Variants in CPNE8 observed in about 807,000 individuals in gnomAD.
CPNE8 encodes the protein copine-8.
CPNE8 carries 45 observed loss-of-function variants against 81.5 expected under a neutral mutation model. The ratio of observed to expected loss-of-function variants is 0.55; its 90% CI spans 0.44 to 0.71. The LOEUF is 0.71. CPNE8 is among the 30% of genes least tolerant of loss of function. The pLI, the probability that CPNE8 is intolerant of heterozygous loss-of-function variation, is 0.00. For missense variants in CPNE8, 594 were observed against 672.1 expected (o/e 0.88, Z 1.28); for synonymous variants, 252 against 226.3 (o/e 1.11, Z -1.02).
chr12:38,814,420 A>T lies in CPNE8; in HGVS notation c.407+14959T>A, dbSNP rs144312452. On this transcript the variant is annotated intron_variant, in intron 6 of 19. Transcript: ENST00000331366. ...CAACCTCCACCTCCTGGGTTCAAGC[A>T]ATCTTCCTGTCTCAGCCTCCTGAGT... 3.0e-4 allele frequency among the ~76,000 whole-genome samples: 44 copies of T among 147,900 alleles called. No individual in the cohort carries two copies. In the East Asian group the frequency reaches 7.9e-3, roughly 26 times the overall value.
intron 16 of CPNE8, among the ~76,000 whole-genome samples, chr12:38,678,087 C>T (rs1939332224): frequency 6.6e-6 from 1 of 151,836 alleles, no homozygotes; most frequent in South Asian, 2.1e-4. Flanking sequence ...GTAATGGTTG[C>T]AACATTACAA....
At chr12:38,744,447 C>T (rs1344365077) in intron 10 of CPNE8, among the ~76,000 whole-genome samples, 1 of 152,206 alleles carries the variant, frequency 6.6e-6, no homozygotes, top group East Asian at 1.9e-4. Context: ...GACAAGTCAG[C>T]AACGCCTTAT....
At chr12:38,768,999 C>T (rs1035667799) in intron 7 of CPNE8, among the ~76,000 whole-genome samples, 2 of 152,188 alleles carry the variant, frequency 1.3e-5, no homozygotes, top group African/African-American at 4.8e-5. Flanking sequence ...TAAGTATACA[C>T]CTAAACTTTT....
chr12:38,668,902 A>G (rs544303875), intron 19 of CPNE8, among the ~76,000 whole-genome samples: 3 of 151,998 alleles, frequency 2.0e-5, no homozygotes, highest in Admixed American at 6.6e-5. Flanking sequence ...ATACAAAAAA[A>G]AATTAGCTGG....
At chr12:38,862,987 GA>G (rs200465675) in intron 3 of CPNE8, among the ~76,000 whole-genome samples, 56 of 150,648 alleles carry the variant, frequency 3.7e-4, no homozygotes, top group African/African-American at 9.7e-4. Flanking sequence ...CCAAAAATGA[GA>G]AAAAAAAATT....
chr12:38,856,395 C>T (rs1369663959), intron 3 of CPNE8, among the ~76,000 whole-genome samples: 1 of 152,018 alleles, frequency 6.6e-6, no homozygotes, highest in Non-Finnish European at 1.5e-5. Flanking sequence ...CCAAAAAGGG[C>T]ACAACTGGAA....
At chr12:38,846,609 C>T (rs1943564312) in intron 4 of CPNE8, among the ~76,000 whole-genome samples, 1 of 151,910 alleles carries the variant, frequency 6.6e-6, no homozygotes, top group African/African-American at 2.4e-5. Flanking sequence ...TGCTTTTTCC[C>T]CCTGGCCTGT....
chr12:38,848,478 C>A, intron 4 of CPNE8, 81 bp downstream of exon 4: 1 of 1,445,476 alleles, frequency 6.9e-7, no homozygotes, highest in Admixed American at 3.1e-5. Context: ...GAACTCAGTG[C>A]AACCATAGGA....
At chr12:38,711,450 AG>A (rs1940254365) in intron 13 of CPNE8, among the ~76,000 whole-genome samples, 1 of 150,412 alleles carries the variant, frequency 6.6e-6, no homozygotes, top group Non-Finnish European at 1.5e-5. Context: ...GATATCTCTA[AG>A]CTTTCCAAGT....
intron 6 of CPNE8, among the ~76,000 whole-genome samples, chr12:38,778,347 G>A (rs1014775871): frequency 1.3e-5 from 2 of 152,116 alleles, no homozygotes; most frequent in African/African-American, 4.8e-5. Flanking sequence ...TATCACTGTT[G>A]CTAAGTAGTG....
Position 38,670,900 on chromosome 12 carries a change from G to T in CPNE8, c.1433-98C>A. ...ATCAAGATGTATGAAGTAGCAAAAT[G>T]TGCTATGAAAAGACAGAAAGCATGT... On this transcript the variant is annotated intron_variant, in intron 18 of 19. Transcript: ENST00000331366. The T allele has an allele frequency of 5.1e-6, 4 of 788,976 alleles. No individual in the cohort carries two copies. The South Asian group carries it at 6.8e-5, about 13-fold the overall frequency. 48.9% of individuals were successfully genotyped at this position (788,976 alleles called of 1,614,324 possible).
chr12:38,801,454 T>A, intron 6 of CPNE8, among the ~76,000 whole-genome samples: 1 of 46,116 alleles, frequency 2.2e-5, no homozygotes, highest in Non-Finnish European at 3.9e-5. Flanking sequence ...GACAAGCAAA[T>A]GGTGAGAGAT....
At chr12:38,789,021 T>A (rs1170675540) in intron 6 of CPNE8, among the ~76,000 whole-genome samples, 1 of 151,868 alleles carries the variant, frequency 6.6e-6, no homozygotes, top group East Asian at 1.9e-4. Flanking sequence ...AAAATGTGCA[T>A]CCTACCCTAA....
chr12:38,839,890 A>G, intron 5 of CPNE8, 26 bp downstream of exon 5: 1 of 1,542,236 alleles, frequency 6.5e-7, no homozygotes, highest in Non-Finnish European at 8.8e-7. Context: ...TTATAATGTT[A>G]TAAAAACATA....
chr12:38,742,446 G>A (rs907629455), intron 10 of CPNE8, among the ~76,000 whole-genome samples: 11 of 150,252 alleles, frequency 7.3e-5, no homozygotes, highest in South Asian at 2.1e-4. Flanking sequence ...ACCAAACACC[G>A]CATGTTCTCA....
intron 10 of CPNE8, among the ~76,000 whole-genome samples, chr12:38,732,554 C>T (rs1488132322): frequency 6.6e-6 from 1 of 151,858 alleles, no homozygotes; most frequent in Non-Finnish European, 1.5e-5. Flanking sequence ...TTGTGCTGCC[C>T]ACTTATATTT....
At chr12:38,776,525 G>C (rs1376772376) in intron 6 of CPNE8, among the ~76,000 whole-genome samples, 1 of 151,706 alleles carries the variant, frequency 6.6e-6, no homozygotes, top group Non-Finnish European at 1.5e-5. Context: ...GGCCAAGCTG[G>C]TCTCAAACTC....
chr12:38,781,550 G>A (rs1167838902), intron 6 of CPNE8, among the ~76,000 whole-genome samples: 2 of 152,008 alleles, frequency 1.3e-5, no homozygotes, highest in Non-Finnish European at 2.9e-5. Flanking sequence ...AATAGTTATT[G>A]TGTAATGACA....
At chr12:38,897,646 C>T (rs1944406671) in intron 1 of CPNE8, among the ~76,000 whole-genome samples, 1 of 149,812 alleles carries the variant, frequency 6.7e-6, no homozygotes, top group African/African-American at 2.4e-5. Flanking sequence ...TAATATATTA[C>T]ATATTGTATT....
Sources: gnomAD v4.1 joint callset for allele counts (sites outside exome capture counted in the v4.1 genomes callset) on GRCh38, gnomAD v4.1.1 for gene constraint, MANE v1.5 for transcripts, NCBI Gene and HGNC (gene_info 2026-07-23, HGNC 2026-07-21) for gene names.